The following GULP1 variants were observed in gnomAD, a reference collection of about 807,000 sequenced individuals.
GULP1 encodes the protein PTB domain-containing engulfment adapter protein 1.
GULP1 carries 19 observed loss-of-function variants against 40.9 expected under a neutral mutation model. The ratio of observed to expected loss-of-function variants is 0.46; its 90% CI spans 0.32 to 0.68. The LOEUF (loss-of-function observed/expected upper bound fraction) is 0.68. GULP1 is among the 30% of genes least tolerant of loss of function. The probability of loss-of-function intolerance (pLI) is 0.03; values close to 1 mark genes in which losing one functional copy is unlikely to be tolerated. For missense variants in GULP1, 312 were observed against 362.2 expected (o/e 0.86, Z 1.12); for synonymous variants, 119 against 117.6 (o/e 1.01, Z -0.08).
chr2:188,334,558 T>A (rs888917820), intron 1 of GULP1, among the ~76,000 whole-genome samples: 3 of 152,218 alleles, frequency 2.0e-5, no homozygotes, highest in African/African-American at 4.8e-5. Context: ...CATTTGCAGC[T>A]AGGATTGACA....
intron 9 of GULP1, among the ~76,000 whole-genome samples, chr2:188,576,570 C>T (rs974587910): frequency 6.6e-6 from 1 of 151,976 alleles, no homozygotes; most frequent in Admixed American, 6.6e-5. Flanking sequence ...AAAATATTTT[C>T]TTACTTGTTT....
intron 1 of GULP1, among the ~76,000 whole-genome samples, chr2:188,303,192 T>C (rs2106133698): frequency 6.6e-6 from 1 of 152,310 alleles, no homozygotes; most frequent in Admixed American, 6.5e-5. Flanking sequence ...TGCATATTGG[T>C]TTTTGTAATG....
chr2:188,427,429 T>G (rs2056343957), intron 2 of GULP1, among the ~76,000 whole-genome samples: 1 of 152,164 alleles, frequency 6.6e-6, no homozygotes, highest in East Asian at 1.9e-4. Flanking sequence ...TTTGTGCAGC[T>G]CCTCCCATTA....
At chr2:188,482,510 G>A (rs1285299209) in intron 3 of GULP1, among the ~76,000 whole-genome samples, 2 of 151,574 alleles carry the variant, frequency 1.3e-5, no homozygotes, top group Admixed American at 6.6e-5. Context: ...TACACTAATG[G>A]AGGCAAAATA....
At chr2:188,549,025 A>T (rs957250340) in intron 7 of GULP1, among the ~76,000 whole-genome samples, 4 of 151,900 alleles carry the variant, frequency 2.6e-5, no homozygotes, top group African/African-American at 7.2e-5. Context: ...CACATGGGAA[A>T]TCTTCAGGAT....
At chr2:188,471,961 A>T (rs910274661) in intron 2 of GULP1, among the ~76,000 whole-genome samples, 2 of 152,168 alleles carry the variant, frequency 1.3e-5, no homozygotes, top group African/African-American at 4.8e-5. Context: ...TCTCGTGTTG[A>T]TGAAATAACT....
intron 1 of GULP1, among the ~76,000 whole-genome samples, chr2:188,344,568 T>C (rs1360943752): frequency 6.6e-6 from 1 of 152,244 alleles, no homozygotes; most frequent in Admixed American, 6.5e-5. Flanking sequence ...CTTTATGGGC[T>C]TGAGAAATTA....
At position 188,544,411 on chromosome 2, in the gene GULP1, T is replaced by C. The variant is rs1001090440; in HGVS notation, c.399+3093T>C. Among the ~76,000 whole-genome samples, 5 of 151,978 alleles carry C rather than the reference T, an allele frequency of 3.3e-5. No individual in the cohort carries two copies. The East Asian group carries it at 5.8e-4, about 18-fold the overall frequency. ...AATCTAAGCAAAGAAACAGAAGATATAGCATTAGGAGATATACCTAATGCT... is the reference window on the plus strand; with the variant it reads ...AATCTAAGCAAAGAAACAGAAGATACAGCATTAGGAGATATACCTAATGCT... On this transcript the variant is annotated intron_variant, in intron 7 of 11. Transcript: ENST00000409830.
intron 4 of GULP1, among the ~76,000 whole-genome samples, chr2:188,515,201 A>G (rs933914919): frequency 2.6e-5 from 4 of 151,928 alleles, no homozygotes; most frequent in Admixed American, 2.0e-4. Flanking sequence ...TTTATTTGCT[A>G]TATCTGGCAA....
intron 2 of GULP1, among the ~76,000 whole-genome samples, chr2:188,434,288 C>T (rs13391799): frequency 0.023 from 3,411 of 150,814 alleles, 140 homozygotes; most frequent in African/African-American, 0.078. Flanking sequence ...ATAAAAAATG[C>T]CTTGGAGTTC....
intron 4 of GULP1, among the ~76,000 whole-genome samples, chr2:188,500,851 C>T (rs1483274431): frequency 6.6e-6 from 1 of 151,864 alleles, no homozygotes; most frequent in Non-Finnish European, 1.5e-5. Flanking sequence ...TTCTAACCAG[C>T]CATGTTCTAT....
chr2:188,388,038 A>G (rs1206099677), intron 2 of GULP1, among the ~76,000 whole-genome samples: 3 of 31,506 alleles, frequency 9.5e-5, no homozygotes, highest in Admixed American at 2.6e-4. Context: ...GCCTCCCCCC[A>G]CCCCACAACA....
chr2:188,513,603 T>A (rs187085753), intron 4 of GULP1, among the ~76,000 whole-genome samples: 30 of 152,290 alleles, frequency 2.0e-4, no homozygotes, highest in African/African-American at 7.2e-4. Flanking sequence ...CATTGATACA[T>A]TTTCTGGAGT....
intron 5 of GULP1, among the ~76,000 whole-genome samples, chr2:188,525,634 C>T (rs1017217111): frequency 6.6e-6 from 1 of 152,128 alleles, no homozygotes; most frequent in Non-Finnish European, 1.5e-5. Context: ...AAAAGCTTAT[C>T]AATTTCCCTG....
intron 7 of GULP1, among the ~76,000 whole-genome samples, chr2:188,548,683 A>G (rs753420404): frequency 1.2e-4 from 19 of 152,050 alleles, no homozygotes; most frequent in Admixed American, 4.6e-4. Flanking sequence ...AAGACTTATT[A>G]GATACCTTTA....
At chr2:188,300,142 A>G (rs187816349) in intron 1 of GULP1, among the ~76,000 whole-genome samples, 1 of 152,282 alleles carries the variant, frequency 6.6e-6, no homozygotes, top group Non-Finnish European at 1.5e-5. Flanking sequence ...CACAAGGAGT[A>G]GGTTGTGCTC....
chr2:188,463,420 T>A (rs2059870300), intron 2 of GULP1, among the ~76,000 whole-genome samples: 1 of 152,198 alleles, frequency 6.6e-6, no homozygotes, highest in Admixed American at 6.5e-5. Context: ...TTGTTTCTTT[T>A]CTCTTGCTGC....
intron 2 of GULP1, among the ~76,000 whole-genome samples, chr2:188,404,112 A>G (rs1202499682): frequency 2.0e-5 from 3 of 152,152 alleles, no homozygotes; most frequent in Non-Finnish European, 4.4e-5. Flanking sequence ...TAAGAATCTA[A>G]TCTAAGATTC....
chr2:188,467,017 T>A (rs955198483), intron 2 of GULP1, among the ~76,000 whole-genome samples: 4 of 152,174 alleles, frequency 2.6e-5, no homozygotes, highest in South Asian at 4.1e-4. Flanking sequence ...TTCTTTCTGT[T>A]ACCCTCAATA....
Sources: gnomAD v4.1 joint callset for allele counts (sites outside exome capture counted in the v4.1 genomes callset) on GRCh38, gnomAD v4.1.1 for gene constraint, MANE v1.5 for transcripts, NCBI Gene and HGNC (gene_info 2026-07-23, HGNC 2026-07-21) for gene names.